Variants in SDK2 observed in about 807,000 individuals in gnomAD.
SDK2 encodes protein sidekick-2.
SDK2 carries 105 observed loss-of-function variants against 253.9 expected under a neutral mutation model. The ratio of observed to expected loss-of-function variants is 0.41; its 90% confidence interval spans 0.35 to 0.49. The LOEUF is 0.49. SDK2 is among the 20% of genes least tolerant of loss of function. SDK2 has a pLI of 0.06. For synonymous variants in SDK2, 1,249 were observed against 1,234.9 expected, an observed-to-expected ratio of 1.01 and a Z score of -0.24; for missense variants, 2,608 against 3,003.0, an observed-to-expected ratio of 0.87 and a Z score of 3.07.
chr17:73,356,379 G>A (rs117472872), intron 40 of SDK2, among the ~76,000 whole-genome samples: 8,755 of 152,272 alleles, frequency 0.057, 364 homozygotes, highest in South Asian at 0.15. Flanking sequence ...GGCTCTAGCC[G>A]CCAGCCCCGG....
At chr17:73,508,624 A>G (rs1401691724) in intron 1 of SDK2, among the ~76,000 whole-genome samples, 1 of 152,234 alleles carries the variant, frequency 6.6e-6, no homozygotes. Flanking sequence ...ATGCTCGTCT[A>G]ATCTTCACAG....
At chr17:73,625,770 G>A (rs1232969131) in intron 1 of SDK2, among the ~76,000 whole-genome samples, 3 of 151,768 alleles carry the variant, frequency 2.0e-5, no homozygotes, top group South Asian at 2.1e-4. Flanking sequence ...TCAGCCTCCC[G>A]AGTAGCTGGG....
intron 1 of SDK2, among the ~76,000 whole-genome samples, chr17:73,608,393 T>C (rs2045933815): frequency 1.3e-5 from 2 of 152,128 alleles, no homozygotes; most frequent in South Asian, 4.1e-4. Context: ...CTTGATCACC[T>C]GGGGAGACAG....
At chr17:73,346,911 A>C (rs952489743) in intron 44 of SDK2, among the ~76,000 whole-genome samples, 5 of 152,198 alleles carry the variant, frequency 3.3e-5, no homozygotes, top group African/African-American at 1.2e-4. Flanking sequence ...CCCTTGCACA[A>C]ACTGTCACAG....
intron 1 of SDK2, among the ~76,000 whole-genome samples, chr17:73,623,999 G>A (rs1327105569): frequency 6.6e-6 from 1 of 152,224 alleles, no homozygotes; most frequent in East Asian, 1.9e-4. Context: ...TTTCCAGGAG[G>A]AGGACTGGGC....
rs11393920 is a variant in SDK2 at position 73,379,815 on chromosome 17, G to GA, written c.4763-267dup. Among the ~76,000 whole-genome samples the GA allele has an allele frequency of 1, 151,571 of 151,954 alleles. 75,596 individuals carry two copies. Among genetic ancestry groups the GA allele is most frequent in the Middle Eastern group, 1 (294 of 294 alleles). On this transcript the variant is annotated intron_variant, in intron 34 of 44. Coordinates refer to ENST00000392650, the MANE Select transcript of SDK2 (RefSeq NM_001144952.2). The surrounding 1 kb of genome is among the most constrained non-coding windows in gnomAD (Gnocchi z 4.5). ...TGTTCAACTGGACACTTTTGAGACT[G>GA]AAACCACTATGAATATTTACACCGG...
chr17:73,483,689 ATATATATATATATATATATT>A (rs1567799407), intron 2 of SDK2, among the ~76,000 whole-genome samples: 9 of 67,792 alleles, frequency 1.3e-4, no homozygotes, highest in Non-Finnish European at 1.9e-4. Context: ...ATATTTATAT[ATATATATATATATATATATT>A]TTTTTTTTTT....
chr17:73,422,025 T>A (rs8064699), intron 15 of SDK2, among the ~76,000 whole-genome samples: 11 of 152,140 alleles, frequency 7.2e-5, no homozygotes, highest in Non-Finnish European at 1.5e-4. Flanking sequence ...GTGAGCCTTT[T>A]TGCTTGCACA....
Position 73,443,888 on chromosome 17 carries a change from A to T in SDK2, c.614-2965T>A, listed in dbSNP as rs184377173. Reference sequence around the variant, plus strand: ...AATCTTTCCTAGGTGAATGCTTGACACGTGCCAGGCTGTGTTCCAGGCACC... The same window carrying T: ...AATCTTTCCTAGGTGAATGCTTGACTCGTGCCAGGCTGTGTTCCAGGCACC... On this transcript the variant is annotated intron_variant, in intron 5 of 44. Coordinates refer to ENST00000392650, the MANE Select transcript of SDK2 (RefSeq NM_001144952.2). The surrounding 1 kb of genome is among the most constrained non-coding windows in gnomAD (Gnocchi z 4.6). Among the ~76,000 whole-genome samples, 16 of 152,294 alleles carry T rather than the reference A, an allele frequency of 1.1e-4. No homozygotes were observed. The East Asian group carries it at 2.7e-3, about 26-fold the overall frequency.
At position 73,466,723 on chromosome 17, in the gene SDK2, C is replaced by CA. The variant is rs372778909; in HGVS notation, c.331+5388_331+5389insT. On this transcript the variant is annotated intron_variant, in intron 3 of 44. Coordinates refer to ENST00000392650, the MANE Select transcript of SDK2 (RefSeq NM_001144952.2). ...TGGAGGCTCTGGGGAACGCCCCCCC[C>CA]CCCCGGCTTAGGCTCTGCATCTTTG... 2.7e-4 allele frequency among the ~76,000 whole-genome samples: 39 copies of CA among 146,890 alleles called. 1 individual carries two copies. Among genetic ancestry groups the CA allele is most frequent in the Non-Finnish European group, 4.7e-4 (31 of 65,748 alleles).
At position 73,618,201 on chromosome 17, in the gene SDK2, C is replaced by T. The variant is rs2046084891; in HGVS notation, c.64+25824G>A. On this transcript the variant is annotated intron_variant, in intron 1 of 44. Transcript: ENST00000392650. This position sits in a 1 kb window ranked among gnomAD's most constrained non-coding sequence, Gnocchi z 4.1. ...TTGCTAACCCAAACCCATTCATTAG[C>T]CTGTAAATGACGCAGCTCTTATACC... Among the ~76,000 whole-genome samples the T allele has an allele frequency of 6.6e-6, 1 of 152,208 alleles. No homozygotes were observed. Among genetic ancestry groups the T allele is most frequent in the South Asian group, 2.1e-4 (1 of 4,824 alleles).
intron 3 of SDK2, among the ~76,000 whole-genome samples, chr17:73,457,385 A>C (rs1164988976): frequency 2.7e-5 from 4 of 145,686 alleles, no homozygotes; most frequent in Admixed American, 6.9e-5. Flanking sequence ...TCTGTAACCC[A>C]GGCTTCAATC....
intron 3 of SDK2, among the ~76,000 whole-genome samples, chr17:73,464,875 A>G (rs1199904587): frequency 6.6e-6 from 1 of 151,912 alleles, no homozygotes; most frequent in African/African-American, 2.4e-5. Context: ...TCTATAACCT[A>G]TATATTATAC....
chr17:73,424,574 T>C (rs1418458542), intron 12 of SDK2, among the ~76,000 whole-genome samples: 1 of 152,184 alleles, frequency 6.6e-6, no homozygotes, highest in Non-Finnish European at 1.5e-5. Flanking sequence ...TTAGCTTCGG[T>C]CAGTCAATAC....
In SDK2 at chr17:73,358,113, G is replaced by A. The variant is rs1219094490; in HGVS notation, c.5559C>T (p.Pro1853=). Residue 1853 remains proline, a synonymous_variant, in exon 40 of 45, where the codon CCC becomes CCT. Coordinates refer to ENST00000392650, the MANE Select transcript of SDK2 (RefSeq NM_001144952.2). ...HWSSGDPGKG[P]ITRYVIEARP... ...TGGCCTCGATGACGTAGCGGGTGATGGGCCCTTTGCCCGGGTCTCCGCTGG... is the reference window on the plus strand; with the variant it reads ...TGGCCTCGATGACGTAGCGGGTGATAGGCCCTTTGCCCGGGTCTCCGCTGG... 4 of 1,613,288 alleles carry A rather than the reference G, an allele frequency of 2.5e-6. No homozygotes were observed. The Admixed American group carries it at 5.0e-5, about 20-fold the overall frequency.
At chr17:73,390,216 A>T in intron 29 of SDK2, 71 bp downstream of exon 29, 1 of 1,316,594 alleles carries the variant, frequency 7.6e-7, no homozygotes, top group Non-Finnish European at 1.0e-6. Flanking sequence ...ATCCACTAGG[A>T]ACAGCTCAGA....
At chr17:73,424,907 T>C (rs1568398067) in intron 12 of SDK2, among the ~76,000 whole-genome samples, 3 of 152,204 alleles carry the variant, frequency 2.0e-5, no homozygotes, top group Admixed American at 1.3e-4. Context: ...GAATCTGTAA[T>C]ATTTTTAACC....
In SDK2 at chr17:73,401,926, C is replaced by A; in HGVS notation, c.2680+20G>T. The A allele has an allele frequency of 6.4e-7, 1 of 1,569,016 alleles. No individual in the cohort carries two copies. On this transcript the variant is annotated intron_variant, in intron 19 of 44. Coordinates refer to ENST00000392650, the MANE Select transcript of SDK2 (RefSeq NM_001144952.2). Reference sequence around the variant, plus strand: ...CTTGGGCGGGGGGGGGCAGAAAGAGCAGGGCTGGGGGGTGCCTACCATCCT... The same window carrying A: ...CTTGGGCGGGGGGGGGCAGAAAGAGAAGGGCTGGGGGGTGCCTACCATCCT...
intron 1 of SDK2, among the ~76,000 whole-genome samples, chr17:73,596,566 G>A (rs895897284): frequency 4.6e-5 from 7 of 152,168 alleles, no homozygotes; most frequent in Non-Finnish European, 5.9e-5. Context: ...GAAAGGGGGC[G>A]CTGGCTCATG....
Sources: allele counts gnomAD v4.1 joint callset (sites outside exome capture counted in the v4.1 genomes callset), GRCh38; gene constraint gnomAD v4.1.1; non-coding constraint Gnocchi (gnomAD v3.1); transcripts MANE v1.5; gene names NCBI Gene and HGNC (gene_info 2026-07-23, HGNC 2026-07-21).